APMAP: variants seen among roughly 807,000 people sequenced by gnomAD.
APMAP encodes adipocyte plasma membrane-associated protein.
APMAP carries 33 observed loss-of-function variants against 43.6 expected under a neutral mutation model. That is an observed-to-expected ratio of 0.76 (90% confidence interval 0.57 to 1.01). APMAP has a LOEUF of 1.01. Among genes scored for constraint, APMAP ranks in the 50% least tolerant of loss-of-function variants. APMAP has a pLI of 0.00. For synonymous variants in APMAP, 224 were observed against 216.7 expected, an observed-to-expected ratio of 1.03 and a Z score of -0.30; for missense variants, 498 against 540.7, an observed-to-expected ratio of 0.92 and a Z score of 0.78.
In APMAP at chr20:24,983,951, A is replaced by G. The variant is rs554631090; in HGVS notation, c.164T>C (p.Leu55Pro). The change falls in exon 2 of 9, where the codon CTT becomes CCT. Residue 55 changes from leucine to proline, a missense_variant. Leu to Pro is a moderately conservative substitution (Grantham distance 98, BLOSUM62 -3). Coordinates refer to ENST00000217456, the MANE Select transcript of APMAP (RefSeq NM_020531.3). ...MLAVSLTVPL[L>P]GAMMLLESPI... ...AGATTCCAGCAGCATCATGGCTCCA[A>G]GCAGGGGAACGGTGAGAGAAACAGC... is the stretch of plus-strand genomic sequence containing the variant. The G allele has an allele frequency of 1.2e-6, 2 of 1,614,106 alleles. No homozygotes were observed. The highest frequency in any genetic ancestry group is 2.7e-5 in the African/African-American group (2 of 75,060).
intron 8 of APMAP, among the ~76,000 whole-genome samples, chr20:24,965,971 T>C (rs1179686512): frequency 6.6e-6 from 1 of 152,170 alleles, no homozygotes; most frequent in Non-Finnish European, 1.5e-5. Context: ...TGTGTGTGTG[T>C]GATGTCTACG....
chr20:24,986,807 A>C (rs2088151672), intron 1 of APMAP, among the ~76,000 whole-genome samples: 1 of 152,168 alleles, frequency 6.6e-6, no homozygotes. Context: ...CGCAACTGAG[A>C]GCCAGATGTG....
At position 24,964,017 on chromosome 20, in the gene APMAP, A is replaced by G; in HGVS notation, c.1047T>C (p.Phe349=). The change falls in exon 9 of 9, where the codon TTT becomes TTC. Residue 349 remains phenylalanine (F), a synonymous_variant. Coordinates refer to ENST00000217456, the MANE Select transcript of APMAP (RefSeq NM_020531.3). ...CAAACTTCATCACCGTCTCTTGACT[A>G]AAGAGCTAGAGGGAAGCACAGTGCA... is the stretch of plus-strand genomic sequence containing the variant. ...PWIKRMIFKL[F]SQETVMKFVP... The G allele has an allele frequency of 6.2e-7, 1 of 1,614,158 alleles. No individual in the cohort carries two copies. Among genetic ancestry groups the G allele is most frequent in the Non-Finnish European group, 8.5e-7 (1 of 1,180,000 alleles).
In APMAP at chr20:24,963,627, G is replaced by C; in HGVS notation, c.*186C>G. ...TGTTACACTTCCCTCTAAACAGAAA[G>C]ACAAGCCCAGGTGGGGCCCGGGCAT... On this transcript the variant is annotated 3_prime_UTR_variant, in exon 9 of 9. Coordinates refer to ENST00000217456, the MANE Select transcript of APMAP (RefSeq NM_020531.3). 1 of 620,678 alleles carries C rather than the reference G, an allele frequency of 1.6e-6. No homozygotes were observed. Among genetic ancestry groups the C allele is most frequent in the South Asian group, 2.0e-5 (1 of 51,088 alleles). The allele number at this position is 620,678 out of a possible 1,614,324, so 38.4% of individuals were successfully genotyped here. A position where few individuals can be genotyped will look rare whatever the true frequency, so the allele number is the denominator to read the frequency against.
In APMAP at chr20:24,978,869, G is replaced by A; in HGVS notation, c.226C>T (p.Pro76Ser). The stretch of plus-strand genomic sequence containing the variant: ...GGATGCAGAACACCAAGCAAGAGCG[G>A]GGGTTCTTTGAAGCTGCAAAATAAT... ...DPQPLSFKEP[P>S]LLLGVLHPNT... The change falls in exon 3 of 9, where the codon CCG becomes TCG. Residue 76 changes from proline (P) to serine (S), a missense_variant. Physicochemically the swap from Pro to Ser is moderately conservative, Grantham distance 74. Transcript: ENST00000217456. 1 of 1,613,742 alleles carries A rather than the reference G, an allele frequency of 6.2e-7. No individual in the cohort carries two copies. The highest frequency in any genetic ancestry group is 8.5e-7 in the Non-Finnish European group (1 of 1,179,694).
intron 8 of APMAP, among the ~76,000 whole-genome samples, chr20:24,964,716 G>T (rs959077485): frequency 1.3e-5 from 2 of 152,124 alleles, no homozygotes; most frequent in East Asian, 1.9e-4. Flanking sequence ...ACACCTGGTC[G>T]GAAATTATGA....
intron 4 of APMAP, among the ~76,000 whole-genome samples, chr20:24,972,597 G>T (rs917360983): frequency 6.6e-5 from 10 of 151,200 alleles, no homozygotes; most frequent in Non-Finnish European, 8.9e-5. Context: ...TTATTGCAGG[G>T]TGTTCACTGT....
At chr20:24,987,318 C>T (rs999025965) in intron 1 of APMAP, among the ~76,000 whole-genome samples, 1 of 152,198 alleles carries the variant, frequency 6.6e-6, no homozygotes, top group Non-Finnish European at 1.5e-5. Flanking sequence ...GAGAAAACAT[C>T]TTGCTACATT....
Position 24,969,363 on chromosome 20 carries a change from C to T in APMAP, c.848+163G>A, listed in dbSNP as rs112942224. Among the ~76,000 whole-genome samples the T allele has an allele frequency of 7.9e-4, 121 of 152,284 alleles. No individual in the cohort carries two copies. Among genetic ancestry groups the T allele is most frequent in the African/African-American group, 2.8e-3 (116 of 41,564 alleles). On this transcript the variant is annotated intron_variant, in intron 7 of 8. Transcript: ENST00000217456. ...TAAGACACTCTTCCGGACTGCGACT[C>T]GCAATGGGAGAAAGAAAGCGCACCC... is the stretch of plus-strand genomic sequence containing the variant.
At chr20:24,976,811 T>A (rs886064527) in intron 3 of APMAP, among the ~76,000 whole-genome samples, 5 of 152,214 alleles carry the variant, frequency 3.3e-5, no homozygotes, top group Non-Finnish European at 7.3e-5. Flanking sequence ...AACTAAACTG[T>A]GGCACATCCA....
chr20:24,969,523 C>T lies in APMAP; in HGVS notation c.848+3G>A, dbSNP rs371614701. 6.2e-7 allele frequency: 1 copy of T among 1,606,960 alleles called. No homozygotes were observed. The highest frequency in any genetic ancestry group is 1.7e-5 in the Admixed American group (1 of 59,856). On this transcript the variant is annotated splice_donor_region_variant and intron_variant, in intron 7 of 8. Transcript: ENST00000217456. ...CTGATGGCTCAGCTAATCCCACACA[C>T]ACCTTCGTATCCTGGCCATGGTTGT...
intron 3 of APMAP, among the ~76,000 whole-genome samples, chr20:24,976,375 A>T (rs1035568665): frequency 9.2e-5 from 14 of 152,204 alleles, no homozygotes; most frequent in African/African-American, 3.4e-4. Flanking sequence ...AATTACAAAA[A>T]TGGGCAAAAG....
intron 8 of APMAP, 54 bp downstream of exon 8, chr20:24,968,838 T>C: frequency 2.0e-6 from 3 of 1,510,026 alleles, no homozygotes; most frequent in Non-Finnish European, 1.8e-6. Flanking sequence ...GTCAAAAAAA[T>C]ATGATTCAAT....
intron 3 of APMAP, 89 bp from the exon 4 acceptor site, chr20:24,973,826 T>C: frequency 9.0e-7 from 1 of 1,115,170 alleles, no homozygotes. Context: ...CTTGTTTACA[T>C]GTTCCCCCTG....
chr20:24,969,180 T>C (rs1339850712), intron 7 of APMAP, 96 bp from the exon 8 acceptor site: 7 of 1,244,616 alleles, frequency 5.6e-6, no homozygotes, highest in Middle Eastern at 2.5e-4. Flanking sequence ...TCCAAATATA[T>C]ATATGGAAAG....
At chr20:24,991,596 G>C (rs556725809) in intron 1 of APMAP, among the ~76,000 whole-genome samples, 19 of 152,160 alleles carry the variant, frequency 1.2e-4, no homozygotes, top group African/African-American at 3.1e-4. Context: ...CAGTCTACAG[G>C]GGCAAAAACT....
At chr20:24,969,283 G>A (rs1373927743) in intron 7 of APMAP, among the ~76,000 whole-genome samples, 199 bp from the exon 8 acceptor site, 1 of 152,194 alleles carries the variant, frequency 6.6e-6, no homozygotes, top group Non-Finnish European at 1.5e-5. Context: ...TAGGTCAGGG[G>A]AGGACCAAGG....
At chr20:24,972,001 G>C (rs957011806) in intron 4 of APMAP, among the ~76,000 whole-genome samples, 4 of 147,284 alleles carry the variant, frequency 2.7e-5, no homozygotes, top group African/African-American at 1.0e-4. Flanking sequence ...TCACTGTGGG[G>C]TGCTCACTAC....
rs758918497 is a variant in APMAP, at chr20:24,969,041, C to A, written c.892G>T (p.Val298Leu). ...GLMKGGADLF[V>L]ENMPGFPDNI... ...TCTGGAAATCCAGGCATGTTCTCCA[C>A]AAACAGATCAGCCCCGCCCTTCATC... is the stretch of plus-strand genomic sequence containing the variant. The change falls in exon 8 of 9, where the codon GTG becomes TTG. Residue 298 changes from valine to leucine, a missense_variant. By Grantham distance (32) the Val-to-Leu change is conservative. Transcript: ENST00000217456. 10 of 1,613,730 alleles carry A rather than the reference C, an allele frequency of 6.2e-6. No individual in the cohort carries two copies. The South Asian group carries it at 1.1e-4, about 18-fold the overall frequency.
Sources: allele counts gnomAD v4.1 joint callset (sites outside exome capture counted in the v4.1 genomes callset), GRCh38; gene constraint gnomAD v4.1.1; transcripts MANE v1.5; gene names NCBI Gene and HGNC (gene_info 2026-07-23, HGNC 2026-07-21).